The following EIF2B3 variants were observed in gnomAD, a reference collection of about 807,000 sequenced individuals.
The protein encoded by EIF2B3 is eukaryotic translation initiation factor 2B subunit gamma.
Under a neutral mutation model 54.1 loss-of-function variants are expected in EIF2B3, and 20 were observed. That is an observed-to-expected ratio of 0.37 (90% CI 0.26 to 0.54). The LOEUF is 0.54. Among genes scored for constraint, EIF2B3 ranks in the 20% least tolerant of loss-of-function variants. The pLI, the probability that EIF2B3 is intolerant of heterozygous loss-of-function variation, is 0.86. For synonymous variants in EIF2B3, 153 were observed against 188.1 expected (o/e 0.81, Z 1.52); for missense variants, 448 against 547.8 (o/e 0.82, Z 1.82).
At position 44,964,131 on chromosome 1, in the gene EIF2B3, CA is replaced by C. The variant is rs36124141; in HGVS notation, c.294+14183del. Among the ~76,000 whole-genome samples the C allele has an allele frequency of 3.8e-3, 505 of 131,666 alleles. 5 individuals carry two copies. The highest frequency in any genetic ancestry group is 0.016 in the Middle Eastern group (4 of 258). The allele number at this position is 131,666 out of a possible 152,430, so 86.4% of individuals were successfully genotyped here. A position where few individuals can be genotyped will look rare whatever the true frequency, so the allele number is the denominator to read the frequency against. On this transcript the variant is annotated intron_variant, in intron 3 of 11. Transcript: ENST00000360403. ...AAAAGCTCCATTGAGATTTCTTGGCCAAAAAAAAAAAAAAAAGACTCCAAAA... is the reference window on the plus strand; with the variant it reads ...AAAAGCTCCATTGAGATTTCTTGGCCAAAAAAAAAAAAAAAGACTCCAAAA...
chr1:44,897,732 G>A (rs1272208465), intron 5 of EIF2B3, among the ~76,000 whole-genome samples: 3 of 146,896 alleles, frequency 2.0e-5, no homozygotes, highest in Admixed American at 1.3e-4. Context: ...CTATTTGATC[G>A]TTAACTTTTT....
intron 4 of EIF2B3, 28 bp downstream of exon 4, chr1:44,941,478 A>C (rs752385453): frequency 6.3e-7 from 1 of 1,585,584 alleles, no homozygotes; most frequent in South Asian, 1.2e-5. Context: ...AAAACTCAAC[A>C]AACAAAACAA....
At chr1:44,919,071 G>T (rs150223006) in intron 5 of EIF2B3, among the ~76,000 whole-genome samples, 1 of 152,140 alleles carries the variant, frequency 6.6e-6, no homozygotes, top group African/African-American at 2.4e-5. Context: ...TTACAGGCCG[G>T]GCTCAGTGGC....
At chr1:44,935,263 G>C (rs1465859099) in intron 4 of EIF2B3, among the ~76,000 whole-genome samples, 1 of 151,776 alleles carries the variant, frequency 6.6e-6, no homozygotes, top group Non-Finnish European at 1.5e-5. Flanking sequence ...GAATGTACAG[G>C]AAAAAAAGCC....
At chr1:44,948,212 C>T (rs1259462765) in intron 3 of EIF2B3, among the ~76,000 whole-genome samples, 1 of 152,190 alleles carries the variant, frequency 6.6e-6, no homozygotes, top group South Asian at 2.1e-4. Context: ...TGTGATAATC[C>T]TTGGGCTCAC....
At chr1:44,929,298 T>C (rs1002344692) in intron 4 of EIF2B3, among the ~76,000 whole-genome samples, 4 of 152,184 alleles carry the variant, frequency 2.6e-5, no homozygotes, top group Non-Finnish European at 5.9e-5. Context: ...TAACAGAATA[T>C]GTTTCGCTGT....
intron 2 of EIF2B3, 149 bp from the exon 3 acceptor site, chr1:44,978,609 C>T (rs1156704457): frequency 3.2e-6 from 2 of 617,870 alleles, no homozygotes; most frequent in Non-Finnish European, 5.2e-6. Flanking sequence ...ACCTGCATTC[C>T]CCCAATAAAT....
chr1:44,869,805 A>C (rs1011385168), intron 10 of EIF2B3, among the ~76,000 whole-genome samples: 9 of 151,794 alleles, frequency 5.9e-5, no homozygotes, highest in African/African-American at 2.2e-4. Flanking sequence ...AAAGTGACAG[A>C]CCTAGGATTC....
chr1:44,924,910 C>T (rs937791397), intron 5 of EIF2B3: 1 of 152,122 alleles, frequency 6.6e-6, no homozygotes, highest in Non-Finnish European at 1.5e-5. Flanking sequence ...TATATTTGTA[C>T]AGCTGACATT....
intron 5 of EIF2B3, among the ~76,000 whole-genome samples, chr1:44,908,558 A>C (rs1643456873): frequency 6.6e-6 from 1 of 152,218 alleles, no homozygotes; most frequent in Non-Finnish European, 1.5e-5. Flanking sequence ...GCAATTTTTC[A>C]TAGCTACTGA....
At chr1:44,911,962 T>C (rs1475920597) in intron 5 of EIF2B3, among the ~76,000 whole-genome samples, 1 of 149,996 alleles carries the variant, frequency 6.7e-6, no homozygotes, top group Non-Finnish European at 1.5e-5. Flanking sequence ...CGGTGTTTGG[T>C]TTTTTGTTCT....
rs1258662436 is a variant in EIF2B3 at position 44,952,164 on chromosome 1, C to T, written c.295-10499G>A. 9.4e-5 allele frequency among the ~76,000 whole-genome samples: 13 copies of T among 138,518 alleles called. 1 individual carries two copies. Among genetic ancestry groups the T allele is most frequent in the Non-Finnish European group, 1.4e-4 (9 of 63,532 alleles). The allele number at this position is 138,518 out of a possible 152,430, so 90.9% of individuals were successfully genotyped here. Reference sequence around the variant, plus strand: ...ATTTTTAGTAGAGACGGGGTTTCACCGTTTTAGCCAGGATGGTCTCGATCT... The same window carrying T: ...ATTTTTAGTAGAGACGGGGTTTCACTGTTTTAGCCAGGATGGTCTCGATCT... On this transcript the variant is annotated intron_variant, in intron 3 of 11. Coordinates refer to ENST00000360403, the MANE Select transcript of EIF2B3 (RefSeq NM_020365.5).
intron 3 of EIF2B3, among the ~76,000 whole-genome samples, chr1:44,946,043 A>G (rs1390171371): frequency 1.3e-5 from 2 of 152,224 alleles, no homozygotes; most frequent in African/African-American, 2.4e-5. Flanking sequence ...GTGAATGCCA[A>G]ACAAGTCCTG....
chr1:44,973,714 A>C (rs942643197), intron 3 of EIF2B3, among the ~76,000 whole-genome samples: 13 of 152,090 alleles, frequency 8.5e-5, no homozygotes, highest in African/African-American at 2.9e-4. Flanking sequence ...AAAAAAAAAG[A>C]AAGACAAATA....
intron 5 of EIF2B3, among the ~76,000 whole-genome samples, chr1:44,908,401 A>G (rs980143855): frequency 1.3e-5 from 2 of 152,246 alleles, no homozygotes; most frequent in African/African-American, 4.8e-5. Context: ...ATCTTCACAG[A>G]AAAATGATAT....
intron 5 of EIF2B3, 126 bp downstream of exon 5, chr1:44,926,502 T>C: frequency 1.4e-6 from 1 of 732,836 alleles, no homozygotes. Flanking sequence ...GGGAAAAATA[T>C]TCACATACTT....
chr1:44,852,991 G>A (rs1269714798), intron 11 of EIF2B3, among the ~76,000 whole-genome samples: 4 of 152,072 alleles, frequency 2.6e-5, no homozygotes, highest in African/African-American at 9.7e-5. Flanking sequence ...TCATGAAGCC[G>A]GAGAGCTGGA....
chr1:44,865,516 T>A (rs534367776), intron 10 of EIF2B3, among the ~76,000 whole-genome samples: 24 of 152,312 alleles, frequency 1.6e-4, no homozygotes, highest in African/African-American at 5.5e-4. Flanking sequence ...TTTTTCAATT[T>A]GGTGAGCTTT....
chr1:44,921,123 A>G (rs1643730396), intron 5 of EIF2B3, among the ~76,000 whole-genome samples: 1 of 152,174 alleles, frequency 6.6e-6, no homozygotes, highest in East Asian at 1.9e-4. Context: ...TTTTATTTGC[A>G]TTCTCTGATG....
Sources: allele counts gnomAD v4.1 joint callset (sites outside exome capture counted in the v4.1 genomes callset), GRCh38; gene constraint gnomAD v4.1.1; transcripts MANE v1.5; gene names NCBI Gene and HGNC (gene_info 2026-07-23, HGNC 2026-07-21).